The following ROBO1 variants were observed in gnomAD, a reference collection of about 807,000 sequenced individuals.
ROBO1 encodes the protein roundabout guidance receptor 1.
Under a neutral mutation model 195.9 loss-of-function variants are expected in ROBO1, and 149 were observed. The ratio of observed to expected loss-of-function variants is 0.76; its 90% CI spans 0.67 to 0.87. The LOEUF (loss-of-function observed/expected upper bound fraction) is 0.87. Ranked by LOEUF, ROBO1 falls within the 40% of genes least tolerant of loss-of-function variation. The pLI, the probability that ROBO1 is intolerant of heterozygous loss-of-function variation, is 0.00. For synonymous variants in ROBO1, 816 were observed against 733.2 expected (o/e 1.11, Z -1.82); for missense variants, 1,933 against 2,068.3 (o/e 0.93, Z 1.27).
At chr3:78,674,990 C>T (rs978835221) in intron 10 of ROBO1, among the ~76,000 whole-genome samples, 8 of 151,918 alleles carry the variant, frequency 5.3e-5, no homozygotes, top group African/African-American at 1.5e-4. Context: ...GTACTTAAGA[C>T]ATTATAAAAA....
intron 2 of ROBO1, among the ~76,000 whole-genome samples, chr3:79,564,520 G>A (rs1274077695): frequency 6.6e-6 from 1 of 152,080 alleles, no homozygotes; most frequent in Non-Finnish European, 1.5e-5. Context: ...GAAGGCTGAA[G>A]TCAAACAGTA....
chr3:79,318,726 A>G (rs1013413510), intron 2 of ROBO1, among the ~76,000 whole-genome samples: 1 of 152,198 alleles, frequency 6.6e-6, no homozygotes, highest in Admixed American at 6.5e-5. Flanking sequence ...ATCTAGACAC[A>G]TATACATCTA....
At chr3:79,058,954 C>T (rs917691484) in intron 3 of ROBO1, among the ~76,000 whole-genome samples, 3 of 152,100 alleles carry the variant, frequency 2.0e-5, no homozygotes, top group Admixed American at 6.6e-5. Flanking sequence ...ATTCACATGG[C>T]TCATTTTGTT....
At position 79,460,909 on chromosome 3, in the gene ROBO1, G is replaced by A. The variant is rs541908500; in HGVS notation, c.88+128915C>T. Reference sequence around the variant, plus strand: ...ACTACAGACGCCCACCACCACGCCCGGCTAATTTTTTTGTATTTTTAGTAG... The same window carrying A: ...ACTACAGACGCCCACCACCACGCCCAGCTAATTTTTTTGTATTTTTAGTAG... On this transcript the variant is annotated intron_variant, in intron 2 of 30. Transcript: ENST00000464233. 1.0e-3 allele frequency among the ~76,000 whole-genome samples: 147 copies of A among 141,594 alleles called. 1 individual carries two copies. The Middle Eastern group carries it at 0.022, about 21-fold the overall frequency. The allele number at this position is 141,594 out of a possible 152,430, so 92.9% of individuals were successfully genotyped here.
intron 3 of ROBO1, among the ~76,000 whole-genome samples, chr3:79,102,952 ATGT>A (rs954564894): frequency 5.3e-4 from 81 of 151,928 alleles, no homozygotes; most frequent in African/African-American, 1.9e-3. Flanking sequence ...TGGGATAAAA[ATGT>A]TGTATGTATT....
At chr3:78,749,046 A>T (rs1294691575) in intron 4 of ROBO1, among the ~76,000 whole-genome samples, 3 of 152,188 alleles carry the variant, frequency 2.0e-5, no homozygotes, top group African/African-American at 4.8e-5. Context: ...TATTATTATT[A>T]GGTGTTAAGA....
chr3:78,905,961 A>G (rs1365525395), intron 4 of ROBO1, among the ~76,000 whole-genome samples: 1 of 152,204 alleles, frequency 6.6e-6, no homozygotes. Context: ...TGCAGCTAAC[A>G]GCATGACTGT....
chr3:79,409,266 A>G (rs1000576325), intron 2 of ROBO1, among the ~76,000 whole-genome samples: 1 of 151,914 alleles, frequency 6.6e-6, no homozygotes, highest in Non-Finnish European at 1.5e-5. Context: ...AGAATATGAC[A>G]AAAAAAAGAT....
At chr3:79,043,541 C>A (rs2078528145) in intron 3 of ROBO1, among the ~76,000 whole-genome samples, 1 of 151,618 alleles carries the variant, frequency 6.6e-6, no homozygotes, top group African/African-American at 2.4e-5. Context: ...AGAATGACAT[C>A]ATATAGATTT....
intron 3 of ROBO1, among the ~76,000 whole-genome samples, chr3:78,982,251 G>T (rs915506557): frequency 7.9e-5 from 12 of 152,062 alleles, no homozygotes; most frequent in Admixed American, 7.2e-4. Flanking sequence ...TTATGAAGAG[G>T]GGTATATAAG....
intron 2 of ROBO1, among the ~76,000 whole-genome samples, chr3:79,159,384 T>C (rs571681776): frequency 1.3e-5 from 2 of 152,132 alleles, no homozygotes; most frequent in African/African-American, 4.8e-5. Context: ...TTTGTATCAA[T>C]AGTGTTGTGT....
chr3:79,115,952 A>T (rs2079985573), intron 3 of ROBO1, among the ~76,000 whole-genome samples: 1 of 152,326 alleles, frequency 6.6e-6, no homozygotes. Context: ...TAACAGTATA[A>T]TGACCAGCCA....
intron 1 of ROBO1, among the ~76,000 whole-genome samples, chr3:79,730,615 TTTTCA>T (rs926822344): frequency 6.6e-6 from 1 of 152,126 alleles, no homozygotes; most frequent in Non-Finnish European, 1.5e-5. Context: ...GAATGCTTTC[TTTTCA>T]TTTCATTTCA....
At chr3:78,885,412 TAAAAAAA>T (rs59912706) in intron 4 of ROBO1, among the ~76,000 whole-genome samples, 38 of 53,702 alleles carry the variant, frequency 7.1e-4, no homozygotes, top group African/African-American at 2.5e-3. Flanking sequence ...AATTTAAAAC[TAAAAAAA>T]AAAAAAAAAA....
chr3:78,957,487 A>G (rs1397684728), intron 3 of ROBO1, among the ~76,000 whole-genome samples: 1 of 152,172 alleles, frequency 6.6e-6, no homozygotes, highest in Non-Finnish European at 1.5e-5. Flanking sequence ...GGGCCCGTAA[A>G]CAACCAGTAA....
intron 2 of ROBO1, among the ~76,000 whole-genome samples, chr3:79,350,879 C>T (rs1399550578): frequency 6.6e-6 from 1 of 151,962 alleles, no homozygotes; most frequent in Non-Finnish European, 1.5e-5. Context: ...AGTGCAATGG[C>T]TATTCACAGG....
chr3:78,866,242 T>C (rs2035169892), intron 4 of ROBO1, among the ~76,000 whole-genome samples: 1 of 152,228 alleles, frequency 6.6e-6, no homozygotes, highest in African/African-American at 2.4e-5. Flanking sequence ...TGAATAACAA[T>C]CATTTGTCAA....
chr3:79,377,217 A>G (rs1040993155), intron 2 of ROBO1, among the ~76,000 whole-genome samples: 3 of 152,212 alleles, frequency 2.0e-5, no homozygotes, highest in African/African-American at 7.2e-5. Flanking sequence ...TCTTTCAAAT[A>G]CATGTCAAGC....
intron 4 of ROBO1, among the ~76,000 whole-genome samples, chr3:78,875,162 G>T (rs1451498774): frequency 6.6e-6 from 1 of 151,974 alleles, no homozygotes; most frequent in Non-Finnish European, 1.5e-5. Context: ...AATCAGATGA[G>T]TCTTCAGTCT....
Sources: gnomAD v4.1 joint callset for allele counts (sites outside exome capture counted in the v4.1 genomes callset) on GRCh38, gnomAD v4.1.1 for gene constraint, MANE v1.5 for transcripts, NCBI Gene and HGNC (gene_info 2026-07-23, HGNC 2026-07-21) for gene names.